The following TTBK2 variants were observed in gnomAD, a reference collection of about 807,000 sequenced individuals.
TTBK2 encodes the protein tau-tubulin kinase 2.
TTBK2 carries 28 observed loss-of-function variants against 110.8 expected under a neutral mutation model. The observed-to-expected ratio is 0.25, with a 90% CI of 0.19 to 0.35. The LOEUF (loss-of-function observed/expected upper bound fraction) is 0.35, where lower values mean the gene tolerates loss of function less well. Among genes scored for constraint, TTBK2 ranks in the 10% least tolerant of loss-of-function variants. The pLI is 1.00. For missense variants in TTBK2, 1,369 were observed against 1,500.3 expected (o/e 0.91, Z 1.45); for synonymous variants, 532 against 527.3 (o/e 1.01, Z -0.12).
intron 1 of TTBK2, among the ~76,000 whole-genome samples, chr15:42,893,976 T>C (rs1022884783): frequency 2.0e-5 from 3 of 152,192 alleles, no homozygotes; most frequent in Admixed American, 6.5e-5. Flanking sequence ...GCTGTGTCCC[T>C]ACCCAAATCT....
chr15:42,799,844 T>C (rs1422800081), intron 9 of TTBK2, among the ~76,000 whole-genome samples: 1 of 152,156 alleles, frequency 6.6e-6, no homozygotes, highest in East Asian at 1.9e-4. Flanking sequence ...GGATATTCAA[T>C]ACAATGATTT....
chr15:42,918,241 GT>G (rs1233125166), intron 1 of TTBK2, among the ~76,000 whole-genome samples: 8 of 152,018 alleles, frequency 5.3e-5, no homozygotes, highest in Non-Finnish European at 8.8e-5. Flanking sequence ...ATTTTTGTTT[GT>G]TTTTTGTAGA....
At chr15:42,837,649 C>T (rs1309571365) in intron 4 of TTBK2, among the ~76,000 whole-genome samples, 1 of 116,182 alleles carries the variant, frequency 8.6e-6, no homozygotes, top group Non-Finnish European at 1.7e-5. Context: ...CAGAGTGAGA[C>T]TCTGTCTCAA....
At chr15:42,916,768 T>C (rs2031103545) in intron 1 of TTBK2, among the ~76,000 whole-genome samples, 1 of 152,142 alleles carries the variant, frequency 6.6e-6, no homozygotes, top group Non-Finnish European at 1.5e-5. Flanking sequence ...GAACAAAATA[T>C]AGTCTTTCAA....
At chr15:42,887,957 C>T (rs951844734) in intron 1 of TTBK2, among the ~76,000 whole-genome samples, 3 of 152,134 alleles carry the variant, frequency 2.0e-5, no homozygotes, top group Non-Finnish European at 4.4e-5. Flanking sequence ...TCGTGTCCAG[C>T]TAATCTCCCA....
intron 4 of TTBK2, among the ~76,000 whole-genome samples, chr15:42,833,050 G>A (rs558808652): frequency 1.3e-5 from 2 of 152,036 alleles, no homozygotes; most frequent in African/African-American, 4.8e-5. Context: ...TCTACTGGAC[G>A]GGGAGGATTG....
At chr15:42,864,305 C>T (rs1342607153) in intron 3 of TTBK2, among the ~76,000 whole-genome samples, 1 of 152,172 alleles carries the variant, frequency 6.6e-6, no homozygotes, top group African/African-American at 2.4e-5. Flanking sequence ...TCAGAGAAGG[C>T]CAGGCGTGGT....
intron 13 of TTBK2, among the ~76,000 whole-genome samples, chr15:42,768,638 T>C (rs1006280002): frequency 2.0e-5 from 3 of 152,248 alleles, no homozygotes; most frequent in African/African-American, 4.8e-5. Context: ...GAACATTCCA[T>C]GTTCATGGAT....
In TTBK2 at chr15:42,831,051, T is replaced by TGA. The variant is rs1277814687; in HGVS notation, c.292-975_292-974dup. Among the ~76,000 whole-genome samples the TGA allele has an allele frequency of 1.8e-3, 271 of 148,596 alleles. 1 individual carries two copies. Among genetic ancestry groups the TGA allele is most frequent in the Non-Finnish European group, 2.8e-3 (189 of 67,406 alleles). Reference sequence around the variant, plus strand: ...GTGTGTGTGTGTGTGTGTGTGTGTGTGATCAAGTATATAGAATGCATATAC... The same window carrying TGA: ...GTGTGTGTGTGTGTGTGTGTGTGTGTGAGATCAAGTATATAGAATGCATATAC... On this transcript the variant is annotated intron_variant, in intron 4 of 14. Transcript: ENST00000267890.
Position 42,764,153 on chromosome 15 carries a change from T to A in TTBK2, c.1999-10906A>T, listed in dbSNP as rs548857736. ...GGGGTTCTGTCCCAAGATGGCCGAA[T>A]AGGAACAGCTCCAGTCTGCAGCTCC... is the stretch of plus-strand genomic sequence containing the variant. On this transcript the variant is annotated intron_variant, in intron 13 of 14. Transcript: ENST00000267890. Among the ~76,000 whole-genome samples, 66 of 152,312 alleles carry A rather than the reference T, an allele frequency of 4.3e-4. 1 individual carries two copies. Among genetic ancestry groups the A allele is most frequent in the African/African-American group, 1.4e-3 (59 of 41,576 alleles).
chr15:42,764,250 C>A (rs1335251023), intron 13 of TTBK2, among the ~76,000 whole-genome samples: 2 of 152,186 alleles, frequency 1.3e-5, no homozygotes, highest in Non-Finnish European at 2.9e-5. Context: ...CTCACTGGGA[C>A]TGGTTGGACA....
intron 2 of TTBK2, among the ~76,000 whole-genome samples, chr15:42,876,389 A>G (rs1894820600): frequency 6.6e-6 from 1 of 152,180 alleles, no homozygotes; most frequent in South Asian, 2.1e-4. Flanking sequence ...TGTCCACTGG[A>G]GAACAAACCA....
chr15:42,891,528 GA>G (rs879344142), intron 1 of TTBK2, among the ~76,000 whole-genome samples: 71 of 141,684 alleles, frequency 5.0e-4, no homozygotes, highest in African/African-American at 1.4e-3. Flanking sequence ...GGATAAAAAA[GA>G]AAAAAAAAAA....
At chr15:42,852,528 T>C (rs1668751152) in intron 3 of TTBK2, among the ~76,000 whole-genome samples, 1 of 152,362 alleles carries the variant, frequency 6.6e-6, no homozygotes, top group Admixed American at 6.5e-5. Flanking sequence ...TGATTCCAAA[T>C]GTTCTTTGTG....
intron 7 of TTBK2, among the ~76,000 whole-genome samples, chr15:42,815,484 C>T (rs1042064913): frequency 6.6e-6 from 1 of 151,952 alleles, no homozygotes; most frequent in Non-Finnish European, 1.5e-5. Context: ...TGCTCAGTTT[C>T]CCAACTCCAT....
At chr15:42,891,472 C>A (rs1895453556) in intron 1 of TTBK2, among the ~76,000 whole-genome samples, 1 of 151,942 alleles carries the variant, frequency 6.6e-6, no homozygotes, top group Non-Finnish European at 1.5e-5. Flanking sequence ...CTGTGCCCAG[C>A]CCTGAACTCT....
At chr15:42,796,819 G>A (rs533465205) in intron 9 of TTBK2, among the ~76,000 whole-genome samples, 5 of 152,060 alleles carry the variant, frequency 3.3e-5, no homozygotes, top group Admixed American at 3.3e-4. Flanking sequence ...ATGTTAATTT[G>A]TAATAATATT....
chr15:42,785,535 T>C (rs1011960601), intron 10 of TTBK2, among the ~76,000 whole-genome samples: 1 of 152,228 alleles, frequency 6.6e-6, no homozygotes, highest in African/African-American at 2.4e-5. Context: ...ACAGTTGATA[T>C]AGTTCAGCAT....
intron 10 of TTBK2, among the ~76,000 whole-genome samples, chr15:42,792,993 GGA>G (rs769780689): frequency 5.9e-4 from 90 of 152,228 alleles, no homozygotes; most frequent in Non-Finnish European, 1.0e-3. Context: ...CAATCAAAGG[GGA>G]AGGACAAAAA....
Sources: allele counts gnomAD v4.1 joint callset (sites outside exome capture counted in the v4.1 genomes callset), GRCh38; gene constraint gnomAD v4.1.1; transcripts MANE v1.5; gene names NCBI Gene and HGNC (gene_info 2026-07-23, HGNC 2026-07-21).